The following EVC2 variants were observed in gnomAD, a reference collection of about 807,000 sequenced individuals.
EVC2 encodes the protein limbin.
Under a neutral mutation model 149.3 loss-of-function variants are expected in EVC2, and 148 were observed. That is an observed-to-expected ratio of 0.99 (90% CI 0.87 to 1.14). The LOEUF (loss-of-function observed/expected upper bound fraction) is 1.14, where lower values mean the gene tolerates loss of function less well. Among genes scored for constraint, EVC2 ranks in the 50% most tolerant of loss-of-function variants. The pLI, the probability that EVC2 is intolerant of heterozygous loss-of-function variation, is 0.00. For missense variants in EVC2, 1,854 were observed against 1,627.3 expected (o/e 1.14, Z -2.40); for synonymous variants, 776 against 649.9 (o/e 1.19, Z -2.95).
chr4:5,697,822 T>C (rs1245733207), intron 1 of EVC2, among the ~76,000 whole-genome samples, 175 bp from the exon 2 acceptor site: 1 of 151,638 alleles, frequency 6.6e-6, no homozygotes, highest in Admixed American at 6.6e-5. Flanking sequence ...CTCGACTTAC[T>C]ACAAGCTCCA....
chr4:5,691,989 T>A (rs1437277761), intron 3 of EVC2, among the ~76,000 whole-genome samples: 1 of 152,200 alleles, frequency 6.6e-6, no homozygotes, highest in African/African-American at 2.4e-5. Flanking sequence ...GGCCCTGCAG[T>A]ATCCACACAC....
At chr4:5,562,345 C>G, downstream of EVC2, 1 of 702,508 alleles carries the variant, frequency 1.4e-6, no homozygotes, top group Non-Finnish European at 1.8e-6. The surrounding 1 kb of genome is among the most constrained non-coding windows in gnomAD (Gnocchi z 4.3). Context: ...GGGCGAATCT[C>G]TCTATTGAAC....
rs1317620835 is a variant in EVC2 at position 5,567,501 on chromosome 4, C to G, written c.3557+943G>C. ...TGCATCCTTGCTGAGGCTGTGAGCT[C>G]TGCATCCTGGTGCAATGTTTTCATC... On this transcript the variant is annotated intron_variant, in intron 20 of 21. Transcript: ENST00000344408. The surrounding 1 kb of genome is among the most constrained non-coding windows in gnomAD (Gnocchi z 4.4). Among the ~76,000 whole-genome samples, 1 of 152,182 alleles carries G rather than the reference C, an allele frequency of 6.6e-6. No individual in the cohort carries two copies. Among genetic ancestry groups the G allele is most frequent in the African/African-American group, 2.4e-5 (1 of 41,436 alleles).
intron 7 of EVC2, among the ~76,000 whole-genome samples, chr4:5,673,569 C>CCG (rs1455691688): frequency 3.3e-5 from 5 of 152,332 alleles, no homozygotes; most frequent in African/African-American, 9.6e-5. Context: ...CGGCTTCCCC[C>CCG]CCAGAGTCCT....
intron 16 of EVC2, 80 bp from the exon 17 acceptor site, chr4:5,584,930 G>T: frequency 6.8e-7 from 1 of 1,474,214 alleles, no homozygotes; most frequent in Non-Finnish European, 9.4e-7. Context: ...GCCTTTCAGA[G>T]TTCACAGACC....
intron 20 of EVC2, among the ~76,000 whole-genome samples, chr4:5,566,495 C>T (rs963715422): frequency 3.9e-5 from 6 of 152,212 alleles, no homozygotes; most frequent in African/African-American, 1.4e-4. Flanking sequence ...GCCCTCAATA[C>T]ACCCCATTCT....
intron 2 of EVC2, among the ~76,000 whole-genome samples, chr4:5,695,496 C>T (rs1721417789): frequency 6.6e-6 from 1 of 152,230 alleles, no homozygotes; most frequent in African/African-American, 2.4e-5. Flanking sequence ...GGTCCCTCTT[C>T]AGTGGATGCG....
chr4:5,572,886 C>T (rs1392712209), intron 19 of EVC2, among the ~76,000 whole-genome samples: 1 of 152,130 alleles, frequency 6.6e-6, no homozygotes, highest in Non-Finnish European at 1.5e-5. Flanking sequence ...AGATCCTTTA[C>T]AGTCGGTCAG....
In EVC2 at chr4:5,576,263, T is replaced by C. The variant is rs779715707; in HGVS notation, c.3249A>G (p.Thr1083=). The stretch of plus-strand genomic sequence containing the variant: ...ACCACTGCTGATGTTGCTCCAGTAA[T>C]GTCTGGCTCTTGCTCAGGGCTTGGT... ...VLHQALSKSQ[T]LLEQHQQCLR... Residue 1083 remains threonine, a synonymous_variant, in exon 18 of 22, where the codon ACA becomes ACG. Coordinates refer to ENST00000344408, the MANE Select transcript of EVC2 (RefSeq NM_147127.5). The surrounding 1 kb of genome is among the most constrained non-coding windows in gnomAD (Gnocchi z 4.5). 7 of 1,614,198 alleles carry C rather than the reference T, an allele frequency of 4.3e-6. No homozygotes were observed. The Admixed American group carries it at 5.0e-5, about 12-fold the overall frequency.
chr4:5,574,523 T>C (rs1416037807), intron 19 of EVC2, among the ~76,000 whole-genome samples, 162 bp downstream of exon 19: 3 of 152,254 alleles, frequency 2.0e-5, no homozygotes, highest in Non-Finnish European at 4.4e-5. Context: ...GAGCACCCTC[T>C]GTGTGCTGGG....
intron 3 of EVC2, among the ~76,000 whole-genome samples, chr4:5,692,595 C>T (rs143121904): frequency 1.1e-3 from 166 of 151,320 alleles, no homozygotes; most frequent in African/African-American, 3.8e-3. Flanking sequence ...ATGCCGGGCG[C>T]GGTGGCTCAC....
At chr4:5,588,115 T>C (rs1238838716) in intron 16 of EVC2, among the ~76,000 whole-genome samples, 2 of 152,160 alleles carry the variant, frequency 1.3e-5, no homozygotes, top group East Asian at 3.8e-4. Flanking sequence ...GCATTGTAAG[T>C]CTAAAAAAAT....
In EVC2 at chr4:5,618,364, TA is replaced by T; in HGVS notation, c.2706+113del. The T allele has an allele frequency of 8.7e-7, 1 of 1,155,342 alleles. No individual in the cohort carries two copies. The highest frequency in any genetic ancestry group is 1.3e-6 in the Non-Finnish European group (1 of 780,394). 71.6% of individuals were successfully genotyped at this position (1,155,342 alleles called of 1,614,324 possible). A position where few individuals can be genotyped will look rare whatever the true frequency, so the allele number is the denominator to read the frequency against. On this transcript the variant is annotated intron_variant, in intron 15 of 21. Transcript: ENST00000344408. This position sits in a 1 kb window ranked among gnomAD's most constrained non-coding sequence, Gnocchi z 4.4. ...ACCAATGCAGCCAGAGAGGAGAGGA[TA>T]GGGGAGCATGAGGTGAGATGGGCTC...
rs543956674 is a variant in EVC2 at position 5,660,532 on chromosome 4, G to A, written c.1145+2575C>T. On this transcript the variant is annotated intron_variant, in intron 9 of 21. Transcript: ENST00000344408. The stretch of plus-strand genomic sequence containing the variant: ...GGACCCAGGGAGATAGGATCAGGAA[G>A]CTGCTCAGTTTTGCTTCCCAGATCT... 1.9e-3 allele frequency among the ~76,000 whole-genome samples: 293 copies of A among 152,296 alleles called. 2 individuals are homozygous for A. The highest frequency in any genetic ancestry group is 6.6e-3 in the African/African-American group (276 of 41,562).
intron 21 of EVC2, chr4:5,543,269 G>T: frequency 8.4e-7 from 1 of 1,185,540 alleles, no homozygotes; most frequent in Non-Finnish European, 1.1e-6. Context: ...TACCCACATT[G>T]TACCATCACC....
At chr4:5,703,767 A>AAAC (rs1721971289) in intron 1 of EVC2, among the ~76,000 whole-genome samples, 1 of 152,266 alleles carries the variant, frequency 6.6e-6, no homozygotes, top group Non-Finnish European at 1.5e-5. Flanking sequence ...TATATTATAC[A>AAAC]AACAAAACAG....
chr4:5,556,633 A>G lies in EVC2; in HGVS notation c.3419+8625T>C, dbSNP rs115910336. 3.2e-3 allele frequency among the ~76,000 whole-genome samples: 490 copies of G among 152,306 alleles called. 2 individuals are homozygous for G. Among genetic ancestry groups the G allele is most frequent in the African/African-American group, 0.011 (468 of 41,594 alleles). On this transcript the variant is annotated intron_variant and NMD_transcript_variant, in intron 21 of 22. Transcript: ENST00000475313. ...AAATGAAAACAATAGAAAACATTTT[A>G]TGAAACCAGAAGCTGGTTCTCTGAA...
intron 16 of EVC2, among the ~76,000 whole-genome samples, chr4:5,603,878 G>A (rs1395245574): frequency 3.3e-5 from 5 of 152,120 alleles, no homozygotes; most frequent in Admixed American, 2.0e-4. Context: ...TTGTGTATAC[G>A]CTGTTCAAAA....
In EVC2 at chr4:5,694,624, A is replaced by T. The variant is rs1036596504; in HGVS notation, c.284-123T>A. 5 of 1,022,354 alleles carry T rather than the reference A, an allele frequency of 4.9e-6. No individual in the cohort carries two copies. The East Asian group carries it at 7.5e-5, about 15-fold the overall frequency. 63.3% of individuals were successfully genotyped at this position (1,022,354 alleles called of 1,614,324 possible). On this transcript the variant is annotated intron_variant, in intron 2 of 21. Coordinates refer to ENST00000344408, the MANE Select transcript of EVC2 (RefSeq NM_147127.5). Reference sequence around the variant, plus strand: ...CTTAGAAGACGTTTGTTGGGTAAGTAAGTTAATGAAGGAATGAATGATATC... The same window carrying T: ...CTTAGAAGACGTTTGTTGGGTAAGTTAGTTAATGAAGGAATGAATGATATC...
Sources: allele counts gnomAD v4.1 joint callset (sites outside exome capture counted in the v4.1 genomes callset), GRCh38; gene constraint gnomAD v4.1.1; non-coding constraint Gnocchi (gnomAD v3.1); transcripts MANE v1.5; gene names NCBI Gene and HGNC (gene_info 2026-07-23, HGNC 2026-07-21).